The following TCN2 variants were observed in gnomAD, a reference collection of about 807,000 sequenced individuals.
The protein encoded by TCN2 is transcobalamin-2.
Under a neutral mutation model 48.6 loss-of-function variants are expected in TCN2, and 34 were observed. The observed-to-expected ratio is 0.70, with a 90% CI of 0.53 to 0.93. The LOEUF is 0.93. TCN2 is among the 40% of genes least tolerant of loss of function. The pLI is 0.00. For synonymous variants in TCN2, 283 were observed against 212.5 expected, an observed-to-expected ratio of 1.33 and a Z score of -2.89; for missense variants, 652 against 526.1, an observed-to-expected ratio of 1.24 and a Z score of -2.34.
At chr22:30,623,411 G>C (rs1469194617) in intron 8 of TCN2, 1 of 263,592 alleles carries the variant, frequency 3.8e-6, no homozygotes, top group Admixed American at 5.0e-5. Flanking sequence ...GGAGTGCAGC[G>C]GTATGATCTC....
intron 7 of TCN2, 44 bp from the exon 8 acceptor site, chr22:30,622,924 C>A (rs573988294): frequency 2.3e-5 from 36 of 1,596,972 alleles, no homozygotes; most frequent in Non-Finnish European, 3.1e-5. Flanking sequence ...CCCTTAGGGA[C>A]AACAGCCACC....
intron 8 of TCN2, among the ~76,000 whole-genome samples, chr22:30,625,392 T>G (rs2087791091): frequency 9.5e-6 from 1 of 105,602 alleles, no homozygotes; most frequent in South Asian, 3.8e-4. Flanking sequence ...TGGGGCCTTG[T>G]TTTTTAATTT....
chr22:30,617,641 T>C, intron 7 of TCN2, 146 bp downstream of exon 7: 1 of 1,095,160 alleles, frequency 9.1e-7, no homozygotes, highest in Non-Finnish European at 1.3e-6. Context: ...GCTCCTTTCT[T>C]GCCCACGGTG....
At position 30,615,317 on chromosome 22, in the gene TCN2, A is replaced by G. The variant is rs2087595826; in HGVS notation, c.597A>G (p.Ala199=). The G allele has an allele frequency of 3.1e-6, 5 of 1,614,174 alleles. No individual in the cohort carries two copies. Among genetic ancestry groups the G allele is most frequent in the Non-Finnish European group, 4.2e-6 (5 of 1,180,018 alleles). ...GHHSVDTAAM[A]GLAFTCLKRS... is the part of the protein sequence containing the mutation. ...CACTTCAAGACACAGCAGCCATGGC[A>G]GGCTTGGCATTCACCTGTCTGAAGC... The change falls in exon 5 of 9, where the codon GCA becomes GCG. Residue 199 remains alanine (A), a synonymous_variant. Coordinates refer to ENST00000215838, the MANE Select transcript of TCN2 (RefSeq NM_000355.4).
At position 30,613,124 on chromosome 22, in the gene TCN2, T is replaced by C. The variant is rs370604313; in HGVS notation, c.427+82T>C. 14 of 1,556,346 alleles carry C rather than the reference T, an allele frequency of 9.0e-6. No individual in the cohort carries two copies. The East Asian group carries it at 1.4e-4, about 16-fold the overall frequency. The stretch of plus-strand genomic sequence containing the variant: ...TATTCTCCAATGAGAATCAGAACTT[T>C]GGGTTTTCTCCCCAGGCGTCTTTCC... On this transcript the variant is annotated intron_variant, in intron 3 of 8. Transcript: ENST00000215838.
In TCN2 at chr22:30,609,113, C is replaced by T. The variant is rs144468213; in HGVS notation, c.64+1718C>T. On this transcript the variant is annotated intron_variant, in intron 1 of 8. Coordinates refer to ENST00000215838, the MANE Select transcript of TCN2 (RefSeq NM_000355.4). ...AAATTGACAGGGATCGCTGCACAAA[C>T]GCTAATGCAAAGTGGGCTCCTGTGC... is the stretch of plus-strand genomic sequence containing the variant. 7.5e-4 allele frequency among the ~76,000 whole-genome samples: 113 copies of T among 150,492 alleles called. 1 individual carries two copies. The Middle Eastern group carries it at 0.021, about 29-fold the overall frequency.
chr22:30,608,173 TCTC>T (rs926584494), intron 1 of TCN2, among the ~76,000 whole-genome samples: 10 of 152,114 alleles, frequency 6.6e-5, no homozygotes, highest in African/African-American at 2.4e-4. Context: ...ACGCGCCTTT[TCTC>T]CTCCTCTGCA....
rs1206016639 is a variant in TCN2, at chr22:30,611,075, C to T, written c.257+12C>T. ...CAGTGCCTCCTAGGGTATTGCCACACTCTCTTTTTCCATGTCTTGCTCCAC... is the reference window on the plus strand; with the variant it reads ...CAGTGCCTCCTAGGGTATTGCCACATTCTCTTTTTCCATGTCTTGCTCCAC... On this transcript the variant is annotated intron_variant, in intron 2 of 8. Transcript: ENST00000215838. 3.1e-6 allele frequency: 5 copies of T among 1,613,662 alleles called. No homozygotes were observed. Among genetic ancestry groups the T allele is most frequent in the African/African-American group, 1.3e-5 (1 of 74,918 alleles).
chr22:30,626,093 C>G (rs539185195), intron 8 of TCN2, among the ~76,000 whole-genome samples: 136 of 152,204 alleles, frequency 8.9e-4, no homozygotes, highest in African/African-American at 2.8e-3. Flanking sequence ...TCCAGGCGTC[C>G]TCCTAGAGCC....
chr22:30,621,205 C>G (rs770669808), intron 7 of TCN2, among the ~76,000 whole-genome samples: 1 of 152,084 alleles, frequency 6.6e-6, no homozygotes, highest in Non-Finnish European at 1.5e-5. Flanking sequence ...GTGAGCCAGG[C>G]TGGTGTCAAA....
intron 7 of TCN2, 128 bp downstream of exon 7, chr22:30,617,623 C>A: frequency 1.6e-6 from 2 of 1,251,620 alleles, no homozygotes; most frequent in Non-Finnish European, 2.3e-6. Context: ...TCTGCTTCTA[C>A]CTGCTCAGCT....
intron 6 of TCN2, 97 bp downstream of exon 6, chr22:30,615,884 G>GT (rs1309370296): frequency 6.7e-7 from 1 of 1,493,936 alleles, no homozygotes. Context: ...GATTTGCTGA[G>GT]TCAGCACAAG....
chr22:30,611,555 T>C (rs1377234208), intron 2 of TCN2, among the ~76,000 whole-genome samples: 1 of 152,264 alleles, frequency 6.6e-6, no homozygotes, highest in Non-Finnish European at 1.5e-5. Flanking sequence ...TTGCCCAGGC[T>C]AGAGTGCAGT....
chr22:30,626,273 C>T (rs146173197), intron 8 of TCN2, among the ~76,000 whole-genome samples, 187 bp from the exon 9 acceptor site: 257 of 152,198 alleles, frequency 1.7e-3, no homozygotes, highest in African/African-American at 5.8e-3. Context: ...GTCATGGCCT[C>T]AGGAACCCTG....
intron 1 of TCN2, among the ~76,000 whole-genome samples, chr22:30,608,402 T>C (rs879214588): frequency 6.6e-6 from 1 of 152,202 alleles, no homozygotes; most frequent in South Asian, 2.1e-4. Context: ...TTTTGTTTTT[T>C]GTTGAGAGAG....
Position 30,611,076 on chromosome 22 carries a change from T to A in TCN2, c.257+13T>A, listed in dbSNP as rs375247830. 1.1e-4 allele frequency: 183 copies of A among 1,613,586 alleles called. No individual in the cohort carries two copies. The highest frequency in any genetic ancestry group is 2.0e-4 in the East Asian group (9 of 44,878). ...AGTGCCTCCTAGGGTATTGCCACAC[T>A]CTCTTTTTCCATGTCTTGCTCCACA... is the stretch of plus-strand genomic sequence containing the variant. On this transcript the variant is annotated intron_variant, in intron 2 of 8. Coordinates refer to ENST00000215838, the MANE Select transcript of TCN2 (RefSeq NM_000355.4).
rs1170593090 is a variant in TCN2, at chr22:30,612,987, G to C, written c.372G>C (p.Gly124=). 5.6e-6 allele frequency: 9 copies of C among 1,614,214 alleles called. No homozygotes were observed. In the East Asian group the frequency reaches 1.8e-4, roughly 32 times the overall value. ...GTGAGTTTGTCAGGGGCCACAAGGG[G>C]GACAGGCTGGTCTCACAGCTCAAAT... ...ANCEFVRGHK[G]DRLVSQLKWF... Residue 124 remains glycine, a synonymous_variant, in exon 3 of 9, where the codon GGG becomes GGC. Transcript: ENST00000215838.
chr22:30,623,807 C>CACAT (rs2087743187), intron 8 of TCN2, among the ~76,000 whole-genome samples: 107 of 27,040 alleles, frequency 4.0e-3, no homozygotes, highest in Middle Eastern at 0.019. Flanking sequence ...CACACATACA[C>CACAT]ATATATACAC....
In TCN2 at chr22:30,625,086, C is replaced by T. The variant is rs184332223; in HGVS notation, c.1223-1374C>T. ...ACAAAAAATTAGCTGGGGGTGGTGGCGGGCACCTGTAATCCCAGCTACTCA... is the reference window on the plus strand; with the variant it reads ...ACAAAAAATTAGCTGGGGGTGGTGGTGGGCACCTGTAATCCCAGCTACTCA... On this transcript the variant is annotated intron_variant, in intron 8 of 8. Transcript: ENST00000215838. Among the ~76,000 whole-genome samples, 16 of 152,154 alleles carry T rather than the reference C, an allele frequency of 1.1e-4. No individual in the cohort carries two copies. The South Asian group carries it at 2.1e-3, about 20-fold the overall frequency.
Sources: allele counts gnomAD v4.1 joint callset (sites outside exome capture counted in the v4.1 genomes callset), GRCh38; gene constraint gnomAD v4.1.1; transcripts MANE v1.5; gene names NCBI Gene and HGNC (gene_info 2026-07-23, HGNC 2026-07-21).